SLC33A1: variants seen among roughly 807,000 people sequenced by gnomAD.
The protein encoded by SLC33A1 is solute carrier family 33 member 1.
A neutral mutation model predicts 50.0 loss-of-function variants in SLC33A1; 20 were observed. The ratio of observed to expected loss-of-function variants is 0.40; its 90% CI spans 0.28 to 0.58. The LOEUF is 0.58. SLC33A1 is among the 20% of genes least tolerant of loss of function. The pLI, the probability that SLC33A1 is intolerant of heterozygous loss-of-function variation, is 0.44. For synonymous variants in SLC33A1, 265 were observed against 251.8 expected, an observed-to-expected ratio of 1.05 and a Z score of -0.50; for missense variants, 476 against 657.0, an observed-to-expected ratio of 0.72 and a Z score of 3.01.
In SLC33A1 at chr3:155,825,649, T is replaced by C. The variant is rs1253767688; in HGVS notation, c.*2561A>G. On this transcript the variant is annotated 3_prime_UTR_variant, in exon 6 of 6. Transcript: ENST00000643144. The stretch of plus-strand genomic sequence containing the variant: ...GAAGAACTTTTCAAACTCAGATGTA[T>C]ATATGCGGCAACCAATGTGCATATG... 6.6e-6 allele frequency: 1 copy of C among 152,226 alleles called. No homozygotes were observed. The highest frequency in any genetic ancestry group is 6.5e-5 in the Admixed American group (1 of 15,280). 9.4% of individuals were successfully genotyped at this position (152,226 alleles called of 1,614,324 possible).
chr3:155,843,539 G>T (rs73159039), intron 1 of SLC33A1, among the ~76,000 whole-genome samples: 4 of 152,286 alleles, frequency 2.6e-5, no homozygotes, highest in Admixed American at 1.3e-4. Context: ...AAATTTAGTG[G>T]AGGGAGTAAA....
intron 2 of SLC33A1, among the ~76,000 whole-genome samples, chr3:155,838,464 T>G (rs1342089573): frequency 6.6e-6 from 1 of 151,534 alleles, no homozygotes; most frequent in Middle Eastern, 3.4e-3. Flanking sequence ...GCAGATTGCC[T>G]GAGCTCAGGA....
chr3:155,829,555 A>G (rs1188835638), intron 5 of SLC33A1, 133 bp downstream of exon 5: 2 of 688,024 alleles, frequency 2.9e-6, no homozygotes, highest in Non-Finnish European at 5.0e-6. Flanking sequence ...AAGAAAATAT[A>G]TATGTAGATT....
rs1017760390 is a variant in SLC33A1 at position 155,829,793 on chromosome 3, T to C, written c.1377A>G (p.Gly459=). 3.1e-6 allele frequency: 5 copies of C among 1,613,862 alleles called. No homozygotes were observed. The highest frequency in any genetic ancestry group is 1.7e-5 in the Admixed American group (1 of 59,990). Residue 459 remains glycine, a synonymous_variant, in exon 5 of 6, where the codon GGA becomes GGG. Transcript: ENST00000643144. ...MTLLNTVSNL[G]GNWPSTVALW... is the part of the protein sequence containing the mutation. ...GAGCTACTGTAGAAGGCCAGTTTCCTCCCAGATTGGACACGGTATTTAAAA... is the reference window on the plus strand; with the variant it reads ...GAGCTACTGTAGAAGGCCAGTTTCCCCCCAGATTGGACACGGTATTTAAAA...
At chr3:155,844,517 G>A (rs192274476) in intron 1 of SLC33A1, among the ~76,000 whole-genome samples, 5 of 125,128 alleles carry the variant, frequency 4.0e-5, no homozygotes, top group Admixed American at 3.1e-4. Flanking sequence ...TCAGGCTGGT[G>A]TGCAGTGGTG....
At chr3:155,848,204 T>C (rs976895776) in intron 1 of SLC33A1, among the ~76,000 whole-genome samples, 16 of 152,182 alleles carry the variant, frequency 1.1e-4, no homozygotes, top group African/African-American at 3.9e-4. Context: ...GACACTATTA[T>C]AACGCATTGC....
intron 2 of SLC33A1, 99 bp downstream of exon 2, chr3:155,842,333 G>A (rs1752966087): frequency 2.9e-6 from 2 of 685,024 alleles, no homozygotes; most frequent in Non-Finnish European, 2.5e-6. Flanking sequence ...AATTCTAATG[G>A]TAGTGGAAAG....
rs1420078135 is a variant in SLC33A1, at chr3:155,821,234, T to C, written c.*6976A>G. On this transcript the variant is annotated 3_prime_UTR_variant, in exon 6 of 6. Coordinates refer to ENST00000643144, the MANE Select transcript of SLC33A1 (RefSeq NM_004733.4). ...CACCACACAAAACTATCAAGGCTAA[T>C]GCTAGATATTCCAAAAGTGGTAACA... 1 of 152,334 alleles carries C rather than the reference T, an allele frequency of 6.6e-6. No individual in the cohort carries two copies. Among genetic ancestry groups the C allele is most frequent in the East Asian group, 1.9e-4 (1 of 5,190 alleles). 9.4% of individuals were successfully genotyped at this position (152,334 alleles called of 1,614,324 possible). A position where few individuals can be genotyped will look rare whatever the true frequency, so the allele number is the denominator to read the frequency against.
intron 1 of SLC33A1, among the ~76,000 whole-genome samples, chr3:155,849,057 G>A (rs1753293455): frequency 1.3e-5 from 2 of 151,896 alleles, no homozygotes; most frequent in Admixed American, 1.3e-4. Flanking sequence ...GGGATCACAG[G>A]TATGCGCCAC....
At chr3:155,838,314 A>AT (rs899564833) in intron 2 of SLC33A1, among the ~76,000 whole-genome samples, 5 of 151,040 alleles carry the variant, frequency 3.3e-5, no homozygotes, top group South Asian at 2.1e-4. Context: ...AAAAAAAAAA[A>AT]CTTAAAAAAA....
In SLC33A1 at chr3:155,826,547, T is replaced by C. The variant is rs1021652508; in HGVS notation, c.*1663A>G. 1 of 152,184 alleles carries C rather than the reference T, an allele frequency of 6.6e-6. No individual in the cohort carries two copies. The highest frequency in any genetic ancestry group is 2.4e-5 in the African/African-American group (1 of 41,442). 9.4% of individuals were successfully genotyped at this position (152,184 alleles called of 1,614,324 possible). ...AGAGTTAAGTGGTTTTTTTTCTTTA[T>C]TCAAGTAATCATTTAGACTCTAATA... is the stretch of plus-strand genomic sequence containing the variant. On this transcript the variant is annotated 3_prime_UTR_variant, in exon 6 of 6. Coordinates refer to ENST00000643144, the MANE Select transcript of SLC33A1 (RefSeq NM_004733.4).
chr3:155,829,800 T>C lies in SLC33A1; in HGVS notation c.1370A>G (p.Asn457Ser). The change falls in exon 5 of 6, where the codon AAT (asparagine) becomes AGT (serine). Residue 457 changes from asparagine to serine, a missense_variant. Transcript: ENST00000643144. ...TYMTLLNTVS[N>S]LGGNWPSTVA... Reference sequence around the variant, plus strand: ...TGTAGAAGGCCAGTTTCCTCCCAGATTGGACACGGTATTTAAAAGGGTCAT... The same window carrying C: ...TGTAGAAGGCCAGTTTCCTCCCAGACTGGACACGGTATTTAAAAGGGTCAT... The C allele has an allele frequency of 6.2e-7, 1 of 1,613,914 alleles. No homozygotes were observed. Among genetic ancestry groups the C allele is most frequent in the Non-Finnish European group, 8.5e-7 (1 of 1,179,824 alleles).
At position 155,853,981 on chromosome 3, in the gene SLC33A1, G is replaced by A. The variant is rs919217833; in HGVS notation, c.17C>T (p.Ser6Phe). 1 of 1,545,798 alleles carries A rather than the reference G, an allele frequency of 6.5e-7. No homozygotes were observed. The highest frequency in any genetic ancestry group is 8.7e-7 in the Non-Finnish European group (1 of 1,152,080). MSPTI[S>F]HKDSSRQRRP... Reference sequence around the variant, plus strand: ...CCGTTGCCGGCTGCTGTCCTTGTGGGAGATGGTGGGTGACATATCAGAGAC... The same window carrying A: ...CCGTTGCCGGCTGCTGTCCTTGTGGAAGATGGTGGGTGACATATCAGAGAC... The change falls in exon 1 of 6, where the codon TCC becomes TTC. Residue 6 changes from serine to phenylalanine, a missense_variant. Ser to Phe is a radical substitution (Grantham distance 155, BLOSUM62 -2). Transcript: ENST00000643144.
intron 4 of SLC33A1, among the ~76,000 whole-genome samples, chr3:155,833,052 C>G (rs1054873894): frequency 6.6e-6 from 1 of 151,952 alleles, no homozygotes; most frequent in Non-Finnish European, 1.5e-5. Context: ...GAGTCAAGAC[C>G]AGCCTGGCCA....
intron 1 of SLC33A1, 123 bp from the exon 2 acceptor site, chr3:155,842,742 C>T (rs986037290): frequency 1.2e-5 from 7 of 579,342 alleles, no homozygotes; most frequent in Non-Finnish European, 2.0e-5. Flanking sequence ...AGTACAGGTG[C>T]TCATGCCTGT....
At chr3:155,839,564 T>C (rs1752843376) in intron 2 of SLC33A1, among the ~76,000 whole-genome samples, 1 of 152,104 alleles carries the variant, frequency 6.6e-6, no homozygotes, top group African/African-American at 2.4e-5. Flanking sequence ...CTAACAAGTA[T>C]GTTTTCAAAT....
At chr3:155,832,307 G>C (rs1163954483) in intron 4 of SLC33A1, among the ~76,000 whole-genome samples, 1 of 151,986 alleles carries the variant, frequency 6.6e-6, no homozygotes, top group East Asian at 1.9e-4. Context: ...GAACCCTGGA[G>C]GCGGAGGTTG....
rs1753526595 is a variant in SLC33A1 at position 155,854,020 on chromosome 3, G to A, written c.-23C>T. On this transcript the variant is annotated 5_prime_UTR_variant, in exon 1 of 6. The change creates a new upstream start codon in the 5' untranslated region. Transcript: ENST00000643144. ...CATATCAGAGACGATGCAGAGCCCC[G>A]TCTGTGGGGGGCCGAGGCTGAGCGT... The A allele has an allele frequency of 6.5e-7, 1 of 1,527,852 alleles. No homozygotes were observed. The highest frequency in any genetic ancestry group is 8.8e-7 in the Non-Finnish European group (1 of 1,141,968). 94.6% of individuals were successfully genotyped at this position (1,527,852 alleles called of 1,614,324 possible).
intron 2 of SLC33A1, among the ~76,000 whole-genome samples, chr3:155,839,776 C>T (rs1752851733): frequency 1.3e-5 from 2 of 151,820 alleles, no homozygotes; most frequent in Admixed American, 6.6e-5. Context: ...AGTGAAACCC[C>T]GTCTCTTCTA....
Sources: gnomAD v4.1 joint callset for allele counts (sites outside exome capture counted in the v4.1 genomes callset) on GRCh38, gnomAD v4.1.1 for gene constraint, MANE v1.5 for transcripts, NCBI Gene and HGNC (gene_info 2026-07-23, HGNC 2026-07-21) for gene names.